Variants in MGAM observed in about 807,000 individuals in gnomAD.
MGAM encodes alpha-1,4-glucosidase.
A neutral mutation model predicts 358.8 loss-of-function variants in MGAM; 253 were observed. The observed-to-expected ratio is 0.71, with a 90% confidence interval of 0.64 to 0.78. The LOEUF (loss-of-function observed/expected upper bound fraction) is 0.78. Ranked by LOEUF, MGAM falls within the 30% of genes least tolerant of loss-of-function variation. The pLI is 0.00. For synonymous variants in MGAM, 1,105 were observed against 1,227.1 expected (o/e 0.90, Z 2.08); for missense variants, 3,080 against 3,432.6 (o/e 0.90, Z 2.57).
chr7:142,022,519 G>A (rs1806560674), intron 7 of MGAM, 80 bp downstream of exon 7: 8 of 1,427,700 alleles, frequency 5.6e-6, no homozygotes, highest in Non-Finnish European at 6.6e-6. Context: ...ACAGTGTAGT[G>A]TTTAAGAGTT....
intron 19 of MGAM, 30 bp downstream of exon 19, chr7:142,038,645 A>G (rs1242120816): frequency 6.6e-7 from 1 of 1,514,942 alleles, no homozygotes; most frequent in Non-Finnish European, 9.0e-7. Flanking sequence ...TACACTAGAG[A>G]TCTCTGCATC....
chr7:142,053,564 C>A (rs551600103), intron 26 of MGAM, among the ~76,000 whole-genome samples: 2 of 152,028 alleles, frequency 1.3e-5, no homozygotes, highest in African/African-American at 4.8e-5. Context: ...TCATTTCTTT[C>A]CAGAATTTAA....
At chr7:142,024,738 A>G (rs1806794746) in intron 7 of MGAM, among the ~76,000 whole-genome samples, 1 of 152,218 alleles carries the variant, frequency 6.6e-6, no homozygotes, top group African/African-American at 2.4e-5. Context: ...AGGTTAAGAC[A>G]GGCCTCTTTG....
At chr7:142,035,738 T>C (rs1161327537) in intron 16 of MGAM, among the ~76,000 whole-genome samples, 1 of 152,108 alleles carries the variant, frequency 6.6e-6, no homozygotes, top group African/African-American at 2.4e-5. Flanking sequence ...TCTAAAAGGT[T>C]GAACAGCAAG....
In MGAM at chr7:142,076,675, C is replaced by A. The variant is rs766454785; in HGVS notation, c.5342C>A (p.Thr1781Asn). 6.1e-5 allele frequency: 94 copies of A among 1,547,050 alleles called. 10 individuals are homozygous for A. Among genetic ancestry groups the A allele is most frequent in the South Asian group, 2.9e-4 (26 of 88,686 alleles). The change falls in exon 47 of 71, where the codon ACT becomes AAT. Residue 1781 changes from threonine (T) to asparagine (N), a missense_variant. Physicochemically the swap from Thr to Asn is moderately conservative, Grantham distance 65. This residue lies in a region of MGAM where 932 missense variants were observed against 1,198.2 expected (regional missense o/e 0.78). Transcript: ENST00000475668. ...FSVTQNHLEVTISQSTYKDPN... is the reference protein window; with the variant it reads ...FSVTQNHLEVNISQSTYKDPN... ...GTTTTGCAGAACCACTTGGAGGTGA[C>A]TATTTCACAATCAACCTACAAGGAC...
chr7:141,998,012 T>C (rs1476105761), intron 1 of MGAM, among the ~76,000 whole-genome samples: 1 of 152,216 alleles, frequency 6.6e-6, no homozygotes, highest in African/African-American at 2.4e-5. Flanking sequence ...TAGACCTCCA[T>C]ATACACATCA....
chr7:142,020,912 G>T, intron 4 of MGAM, 62 bp from the exon 5 acceptor site: 7 of 1,156,920 alleles, frequency 6.1e-6, no homozygotes, highest in Non-Finnish European at 9.1e-6. Context: ...TAATTTTTAT[G>T]TAGCTATTAT....
chr7:141,990,213 G>A (rs1353913392), intron 2 of MGAM, among the ~76,000 whole-genome samples: 6 of 152,168 alleles, frequency 3.9e-5, no homozygotes, highest in Admixed American at 1.3e-4. Context: ...ATGTCAGAAC[G>A]ACAATTACAA....
intron 3 of MGAM, among the ~76,000 whole-genome samples, chr7:142,009,373 C>T (rs1172799520): frequency 6.6e-6 from 1 of 152,108 alleles, no homozygotes; most frequent in Non-Finnish European, 1.5e-5. Context: ...AAAGTTGATG[C>T]ACATGCATTT....
intron 1 of MGAM, among the ~76,000 whole-genome samples, chr7:142,003,607 A>G (rs1384459787): frequency 6.6e-6 from 1 of 152,032 alleles, no homozygotes; most frequent in African/African-American, 2.4e-5. Context: ...TAGAAGAAAA[A>G]TCTAGGAAAC....
intron 67 of MGAM, 30 bp from the exon 68 acceptor site, chr7:142,100,772 A>C: frequency 6.3e-7 from 1 of 1,586,816 alleles, no homozygotes. Flanking sequence ...CTTTACTTTT[A>C]GCTAATGCCT....
rs115367893 is a variant in MGAM at position 142,068,865 on chromosome 7, A to G, written c.5061+162A>G. Among the ~76,000 whole-genome samples the G allele has an allele frequency of 2.8e-3, 415 of 146,416 alleles. 16 individuals carry two copies. The highest frequency in any genetic ancestry group is 9.7e-3 in the African/African-American group (399 of 41,256). ...TGTAATCTCAGTTTTCTCACCTCCA[A>G]GTGGGGTAAGACCACTTTCCTCATA... On this transcript the variant is annotated intron_variant, in intron 43 of 70. Coordinates refer to ENST00000475668, the MANE Select transcript of MGAM (RefSeq NM_001365693.1).
At position 142,043,580 on chromosome 7, in the gene MGAM, T is replaced by C. The variant is rs1258915891; in HGVS notation, c.2498+2734T>C. Among the ~76,000 whole-genome samples, 2 of 57,340 alleles carry C rather than the reference T, an allele frequency of 3.5e-5. 1 individual carries two copies. Among genetic ancestry groups the C allele is most frequent in the East Asian group, 7.4e-4 (2 of 2,704 alleles). 37.6% of individuals were successfully genotyped at this position (57,340 alleles called of 152,430 possible). ...ATATATATTATATATACATATGATA[T>C]CTAAATATATAATATATACATATAA... On this transcript the variant is annotated intron_variant, in intron 21 of 70. Coordinates refer to ENST00000475668, the MANE Select transcript of MGAM (RefSeq NM_001365693.1).
At chr7:142,045,258 AATATATATT>A (rs1810016092) in intron 21 of MGAM, among the ~76,000 whole-genome samples, 1 of 102,062 alleles carries the variant, frequency 9.8e-6, no homozygotes, top group Non-Finnish European at 1.8e-5. Flanking sequence ...TATGATATAT[AATATATATT>A]ATATATACCT....
intron 49 of MGAM, among the ~76,000 whole-genome samples, 172 bp from the exon 50 acceptor site, chr7:142,080,619 A>G (rs973983963): frequency 1.3e-4 from 19 of 146,370 alleles, no homozygotes; most frequent in African/African-American, 3.6e-4. Flanking sequence ...ACAGACAAAC[A>G]TATTAAATCT....
chr7:142,089,056 T>C (rs1815123907), intron 57 of MGAM, among the ~76,000 whole-genome samples: 1 of 144,426 alleles, frequency 6.9e-6, no homozygotes, highest in Admixed American at 7.0e-5. Flanking sequence ...GGAGAAGACC[T>C]AGCTTCCTGT....
intron 26 of MGAM, 150 bp downstream of exon 26, chr7:142,053,134 A>G (rs987726431): frequency 3.3e-6 from 3 of 919,166 alleles, no homozygotes; most frequent in Non-Finnish European, 4.9e-6. Flanking sequence ...CATTGAGGGA[A>G]CAATGAGACC....
intron 3 of MGAM, among the ~76,000 whole-genome samples, chr7:142,010,216 C>T (rs782327822): frequency 3.3e-5 from 5 of 151,880 alleles, no homozygotes; most frequent in African/African-American, 4.8e-5. Context: ...TCTAGGAGTC[C>T]CCTTCATGGA....
At chr7:142,045,005 A>G (rs1220314692) in intron 21 of MGAM, among the ~76,000 whole-genome samples, 1 of 105,940 alleles carries the variant, frequency 9.4e-6, no homozygotes, top group African/African-American at 3.4e-5. Flanking sequence ...CGTGTAATAT[A>G]TGATATATAA....
Sources: allele counts gnomAD v4.1 joint callset (sites outside exome capture counted in the v4.1 genomes callset), GRCh38; gene constraint gnomAD v4.1.1; regional missense constraint gnomAD v4.1.1; transcripts MANE v1.5; gene names NCBI Gene and HGNC (gene_info 2026-07-23, HGNC 2026-07-21).